CLEC18A: variants seen among roughly 807,000 people sequenced by gnomAD.
The protein encoded by CLEC18A is mannose receptor-like 1.
Under a neutral mutation model 24.0 loss-of-function variants are expected in CLEC18A, and 5 were observed. The observed-to-expected ratio is 0.21, with a 90% confidence interval of 0.11 to 0.44. The LOEUF (loss-of-function observed/expected upper bound fraction) is 0.44. Ranked by LOEUF, CLEC18A falls within the 20% of genes least tolerant of loss-of-function variation. CLEC18A has a pLI of 0.99. For missense variants in CLEC18A, 83 were observed against 233.4 expected (o/e 0.36, Z 4.20); for synonymous variants, 29 against 100.1 (o/e 0.29, Z 4.24).
intron 2 of CLEC18A, chr16:69,953,217 C>G (rs1201400571): frequency 6.6e-6 from 1 of 152,508 alleles, no homozygotes; most frequent in African/African-American, 2.4e-5. Context: ...GGCACCCCCT[C>G]TTTGGACACA....
chr16:69,953,952 A>T (rs985378268), intron 2 of CLEC18A: 25 of 345,584 alleles, frequency 7.2e-5, no homozygotes, highest in Non-Finnish European at 1.2e-4. Flanking sequence ...ACAGGAGGGC[A>T]GCATGGCCGG....
intron 2 of CLEC18A, chr16:69,953,736 A>C (rs2058988728): frequency 6.7e-6 from 1 of 148,858 alleles, no homozygotes; most frequent in African/African-American, 2.6e-5. Flanking sequence ...AATTGCTTGA[A>C]CCTGGGAGGC....
upstream of CLEC18A, among the ~76,000 whole-genome samples, chr16:69,950,366 G>A (rs1443742537): frequency 7.8e-6 from 1 of 128,938 alleles, no homozygotes; most frequent in African/African-American, 2.5e-5. Flanking sequence ...GGTCTTCCCC[G>A]AGAGGAACGT....
upstream of CLEC18A, among the ~76,000 whole-genome samples, chr16:69,950,403 G>C (rs550382153): frequency 1.3e-4 from 16 of 127,678 alleles, 3 homozygotes; most frequent in Admixed American, 5.6e-4. Flanking sequence ...CCCGCAGGAA[G>C]CCATGTATTT....
At chr16:69,954,601 T>C (rs2059008388) in intron 3 of CLEC18A, 28 bp downstream of exon 3, 18 of 1,607,244 alleles carry the variant, frequency 1.1e-5, no homozygotes, top group Non-Finnish European at 1.5e-5. Flanking sequence ...GAGGCCAGTG[T>C]GCCAGCTCCC....
chr16:69,966,364 G>A, downstream of CLEC18A, among the ~76,000 whole-genome samples: 3 of 130,934 alleles, frequency 2.3e-5, no homozygotes, highest in South Asian at 7.2e-4. Flanking sequence ...GTGTTCCCAG[G>A]CGGTTGAGGC....
chr16:69,949,376 G>A (rs1322206791), upstream of CLEC18A, among the ~76,000 whole-genome samples: 2 of 111,332 alleles, frequency 1.8e-5, no homozygotes, highest in Non-Finnish European at 3.5e-5. Context: ...TGGGTCAACT[G>A]GCCGTGTTTG....
chr16:69,943,595 G>A, the CLEC18A span, among the ~76,000 whole-genome samples: 7 of 152,068 alleles, frequency 4.6e-5, no homozygotes, highest in Admixed American at 1.3e-4. Flanking sequence ...TAATGTCCTC[G>A]TTGTGACTTG....
rs775872534 is a variant in CLEC18A, at chr16:69,954,480, C to G, written c.363C>G (p.Val121=). The G allele has an allele frequency of 6.8e-6, 11 of 1,608,704 alleles. No individual in the cohort carries two copies. The South Asian group carries it at 1.1e-4, about 16-fold the overall frequency. ...QLLPAGLVSF[V]EVVSLWFAEG... Reference sequence around the variant, plus strand: ...TACCCGCGGGCTTGGTGTCCTTTGTCGAAGTGGTCAGCCTATGGTTTGCAG... The same window carrying G: ...TACCCGCGGGCTTGGTGTCCTTTGTGGAAGTGGTCAGCCTATGGTTTGCAG... Residue 121 remains valine, a synonymous_variant, in exon 3 of 12, where the codon GTC becomes GTG. Coordinates refer to ENST00000288040, the MANE Select transcript of CLEC18A (RefSeq NM_001370523.4).
the CLEC18A span, among the ~76,000 whole-genome samples, chr16:69,945,589 C>T: frequency 1.3e-5 from 2 of 152,258 alleles, no homozygotes; most frequent in South Asian, 2.1e-4. Context: ...ATCCTCTTGC[C>T]TCAGTCTCCC....
chr16:69,966,501 C>T (rs1959396829), downstream of CLEC18A, among the ~76,000 whole-genome samples: 1 of 142,444 alleles, frequency 7.0e-6, no homozygotes, highest in African/African-American at 2.7e-5. Context: ...CTCCCACCAG[C>T]GCCAAGACAG....
intron 2 of CLEC18A, chr16:69,953,401 G>A (rs2058983220): frequency 6.6e-6 from 1 of 151,294 alleles, no homozygotes; most frequent in South Asian, 2.1e-4. Flanking sequence ...CTCAGTGCTT[G>A]TGAGTCCTAT....
downstream of CLEC18A, chr16:69,964,339 G>C (rs1476136098): frequency 1.3e-5 from 2 of 150,552 alleles, no homozygotes; most frequent in Non-Finnish European, 3.0e-5. Flanking sequence ...CCCTCACCCA[G>C]CTCCTCAGAC....
At chr16:69,954,828 G>A (rs1398717779) in intron 3 of CLEC18A, among the ~76,000 whole-genome samples, 1 of 151,850 alleles carries the variant, frequency 6.6e-6, no homozygotes, top group Non-Finnish European at 1.5e-5. Flanking sequence ...CTCCTGACTA[G>A]CTGGGACTAC....
At chr16:69,956,358 ATT>A (rs1276901563) in intron 3 of CLEC18A, among the ~76,000 whole-genome samples, 3 of 58,530 alleles carry the variant, frequency 5.1e-5, no homozygotes, top group South Asian at 7.2e-4. Context: ...TGGCTCCTTA[ATT>A]TTTTTTTTTT....
At chr16:69,955,744 C>T (rs2059025659) in intron 3 of CLEC18A, among the ~76,000 whole-genome samples, 2 of 115,230 alleles carry the variant, frequency 1.7e-5, no homozygotes, top group Admixed American at 1.6e-4. Flanking sequence ...CCTTTTCCCG[C>T]TGTCCCTCCC....
At chr16:69,943,973 A>G in the CLEC18A span, among the ~76,000 whole-genome samples, 1 of 133,628 alleles carries the variant, frequency 7.5e-6, no homozygotes, top group African/African-American at 2.5e-5. Context: ...TCCACAAGGT[A>G]CCAACTTCCG....
downstream of CLEC18A, among the ~76,000 whole-genome samples, chr16:69,966,403 C>T (rs1333964121): frequency 1.5e-5 from 2 of 129,878 alleles, no homozygotes; most frequent in East Asian, 4.2e-4. Context: ...AGATGAGAGG[C>T]CGGCACAAGC....
At chr16:69,945,483 C>G in the CLEC18A span, among the ~76,000 whole-genome samples, 5 of 152,222 alleles carry the variant, frequency 3.3e-5, no homozygotes, top group African/African-American at 1.2e-4. Context: ...ATTCCTTTGC[C>G]TTTCCGTGCA....
Sources: gnomAD v4.1 joint callset for allele counts (sites outside exome capture counted in the v4.1 genomes callset) on GRCh38, gnomAD v4.1.1 for gene constraint, MANE v1.5 for transcripts, NCBI Gene and HGNC (gene_info 2026-07-23, HGNC 2026-07-21) for gene names.